Variants in NRXN3 observed in about 807,000 individuals in gnomAD.
NRXN3 encodes the protein neurexin 3.
Under a neutral mutation model 137.6 loss-of-function variants are expected in NRXN3, and 32 were observed. That is an observed-to-expected ratio of 0.23 (90% CI 0.18 to 0.31). The LOEUF is 0.31. Among genes scored for constraint, NRXN3 ranks in the 10% least tolerant of loss-of-function variants. The probability of loss-of-function intolerance (pLI) is 1.00; values close to 1 mark genes in which losing one functional copy is unlikely to be tolerated. For synonymous variants in NRXN3, 798 were observed against 784.5 expected (o/e 1.02, Z -0.29); for missense variants, 1,574 against 2,062.5 (o/e 0.76, Z 4.59).
At position 79,030,033 on chromosome 14, in the gene NRXN3, TTTTC is replaced by T. The variant is rs1158236753; in HGVS notation, c.3262+41908_3262+41911del. Among the ~76,000 whole-genome samples the T allele has an allele frequency of 2.1e-4, 32 of 149,480 alleles. No homozygotes were observed. The South Asian group carries it at 4.2e-3, about 20-fold the overall frequency. On this transcript the variant is annotated intron_variant, in intron 15 of 20. Coordinates refer to ENST00000335750, the MANE Select transcript of NRXN3 (RefSeq NM_001330195.2). ...GTCTAATTTTTTTTCTTCTTTTTTT[TTTTC>T]TTTCTTTCTTTCTTTTTTTTTTTTT...
intron 10 of NRXN3, among the ~76,000 whole-genome samples, chr14:78,820,815 T>C (rs191174309): frequency 1.6e-3 from 249 of 152,302 alleles, no homozygotes; most frequent in Non-Finnish European, 2.9e-3. Context: ...AAAATGTGTA[T>C]GTGTCCCAAA....
chr14:78,620,090 T>G (rs2097385384), intron 4 of NRXN3, among the ~76,000 whole-genome samples: 1 of 152,184 alleles, frequency 6.6e-6, no homozygotes, highest in Non-Finnish European at 1.5e-5. Context: ...TACTGTCTTG[T>G]AGGTGAAACA....
intron 15 of NRXN3, among the ~76,000 whole-genome samples, chr14:79,307,066 TA>T (rs2086209480): frequency 6.6e-6 from 1 of 152,148 alleles, no homozygotes; most frequent in South Asian, 2.1e-4. Context: ...ATTTAGTTTT[TA>T]GAGTTCTTTC....
chr14:78,247,822 G>C (rs1377324923), intron 2 of NRXN3, among the ~76,000 whole-genome samples: 3 of 152,126 alleles, frequency 2.0e-5, no homozygotes, highest in Admixed American at 6.5e-5. Flanking sequence ...AACATTCTTG[G>C]TTATGAATGT....
At chr14:79,323,311 G>T (rs765999606) in intron 15 of NRXN3, among the ~76,000 whole-genome samples, 32 of 152,122 alleles carry the variant, frequency 2.1e-4, no homozygotes, top group Non-Finnish European at 4.4e-4. Flanking sequence ...CAAAGTGCTG[G>T]CATTACAGGC....
At chr14:79,846,865 A>T (rs1226385435) in intron 20 of NRXN3, among the ~76,000 whole-genome samples, 1 of 152,228 alleles carries the variant, frequency 6.6e-6, no homozygotes. Flanking sequence ...ATTAATGGAT[A>T]AGCAAATGAA....
chr14:79,256,282 C>T (rs1026122266), intron 15 of NRXN3, among the ~76,000 whole-genome samples: 10 of 152,020 alleles, frequency 6.6e-5, no homozygotes, highest in African/African-American at 1.4e-4. Flanking sequence ...AAATATTGTG[C>T]GTTGTTCCAA....
At chr14:79,108,336 T>G (rs2052835452) in intron 15 of NRXN3, among the ~76,000 whole-genome samples, 1 of 152,146 alleles carries the variant, frequency 6.6e-6, no homozygotes, top group Non-Finnish European at 1.5e-5. Flanking sequence ...GCCTTCATCA[T>G]CAGTGAATGT....
At chr14:78,592,914 T>A (rs2097128984) in intron 4 of NRXN3, among the ~76,000 whole-genome samples, 1 of 152,218 alleles carries the variant, frequency 6.6e-6, no homozygotes, top group African/African-American at 2.4e-5. Context: ...CTGCAGGGGA[T>A]GCTCTGTTGG....
chr14:79,753,880 A>T (rs2099008192), intron 19 of NRXN3, among the ~76,000 whole-genome samples: 1 of 152,126 alleles, frequency 6.6e-6, no homozygotes, highest in Non-Finnish European at 1.5e-5. Context: ...CATGGATTCA[A>T]AAAGCAAAGC....
chr14:79,600,132 A>C (rs2097906692), intron 16 of NRXN3, among the ~76,000 whole-genome samples: 1 of 152,208 alleles, frequency 6.6e-6, no homozygotes, highest in African/African-American at 2.4e-5. Flanking sequence ...AAGGTGGAGG[A>C]GCTGAGGTTT....
chr14:79,535,577 T>A (rs192602818), intron 16 of NRXN3, among the ~76,000 whole-genome samples: 40 of 152,302 alleles, frequency 2.6e-4, no homozygotes, highest in African/African-American at 8.9e-4. Context: ...GCATTCTACC[T>A]TTTTGTAATA....
intron 15 of NRXN3, among the ~76,000 whole-genome samples, chr14:79,240,124 G>A (rs2074037065): frequency 6.6e-6 from 1 of 152,112 alleles, no homozygotes; most frequent in Admixed American, 6.6e-5. Flanking sequence ...ATTCTATACT[G>A]TACAGATATA....
intron 6 of NRXN3, among the ~76,000 whole-genome samples, chr14:78,661,970 C>A (rs1286018023): frequency 6.6e-6 from 1 of 150,892 alleles, no homozygotes; most frequent in Admixed American, 6.6e-5. Context: ...GCTCACTGCA[C>A]CCTCCACCAA....
intron 1 of NRXN3, among the ~76,000 whole-genome samples, chr14:78,230,973 G>A (rs938695545): frequency 5.3e-5 from 8 of 152,178 alleles, no homozygotes; most frequent in South Asian, 4.1e-4. Flanking sequence ...TGGGAGAACC[G>A]TATATAGTCC....
chr14:78,800,791 A>G (rs117034363), intron 8 of NRXN3, among the ~76,000 whole-genome samples: 3,419 of 152,268 alleles, frequency 0.022, 84 homozygotes, highest in Admixed American at 0.068. Flanking sequence ...CTTTCTAGAT[A>G]TGAGGGTACG....
In NRXN3 at chr14:79,739,526, G is replaced by A. The variant is rs942737233; in HGVS notation, c.4014+41589G>A. ...AGGCATGGTGGTGGGCATCTGTAACGCCAGCTACTCAGGAGGCTGAGGCAG... is the reference window on the plus strand; with the variant it reads ...AGGCATGGTGGTGGGCATCTGTAACACCAGCTACTCAGGAGGCTGAGGCAG... On this transcript the variant is annotated intron_variant, in intron 19 of 20. Transcript: ENST00000335750. 3.3e-5 allele frequency among the ~76,000 whole-genome samples: 5 copies of A among 151,452 alleles called. No homozygotes were observed. The South Asian group carries it at 6.3e-4, about 19-fold the overall frequency.
At chr14:78,695,010 T>C (rs1341872482) in intron 6 of NRXN3, among the ~76,000 whole-genome samples, 1 of 152,056 alleles carries the variant, frequency 6.6e-6, no homozygotes, top group Non-Finnish European at 1.5e-5. Context: ...TCAGTTTCAC[T>C]GGGCTAAAAT....
At chr14:79,651,096 C>T (rs2098473782) in intron 16 of NRXN3, among the ~76,000 whole-genome samples, 1 of 152,156 alleles carries the variant, frequency 6.6e-6, no homozygotes, top group Non-Finnish European at 1.5e-5. Context: ...CAGTGTCCAC[C>T]TCTAGGACTT....
Sources: allele counts gnomAD v4.1 joint callset (sites outside exome capture counted in the v4.1 genomes callset), GRCh38; gene constraint gnomAD v4.1.1; transcripts MANE v1.5; gene names NCBI Gene and HGNC (gene_info 2026-07-23, HGNC 2026-07-21).